TASP1: variants seen among roughly 807,000 people sequenced by gnomAD.
TASP1 encodes the protein taspase 1, also known as threonine aspartase 1.
TASP1 carries 16 observed loss-of-function variants against 56.6 expected under a neutral mutation model. That is an observed-to-expected ratio of 0.28 (90% CI 0.19 to 0.43). The LOEUF (loss-of-function observed/expected upper bound fraction) is 0.43. Ranked by LOEUF, TASP1 falls within the 20% of genes least tolerant of loss-of-function variation. The pLI is 1.00. For missense variants in TASP1, 393 were observed against 511.6 expected, an observed-to-expected ratio of 0.77 and a Z score of 2.24; for synonymous variants, 179 against 184.2, an observed-to-expected ratio of 0.97 and a Z score of 0.23.
chr20:13,287,332 G>A, the TASP1 span, among the ~76,000 whole-genome samples: 6 of 152,224 alleles, frequency 3.9e-5, no homozygotes, highest in East Asian at 5.8e-4. Context: ...ATCAGATCTC[G>A]TGAGACTTAT....
the TASP1 span, among the ~76,000 whole-genome samples, chr20:13,132,137 C>G: frequency 6.6e-6 from 1 of 151,740 alleles, no homozygotes; most frequent in Non-Finnish European, 1.5e-5. Flanking sequence ...ATAGCAAATC[C>G]TCCTGTCCCT....
intron 9 of TASP1, among the ~76,000 whole-genome samples, chr20:13,531,062 C>T (rs1391149401): frequency 6.6e-6 from 1 of 152,156 alleles, no homozygotes; most frequent in African/African-American, 2.4e-5. Context: ...GTCACAGGAT[C>T]ATGCGAATTA....
At position 13,530,667 on chromosome 20, in the gene TASP1, C is replaced by A. The variant is rs961480780; in HGVS notation, c.796-2156G>T. ...GGGAGGTCATCTTTCTAGAAAAGAA[C>A]ATTTACACTTACCCTTTGCTCCTTC... On this transcript the variant is annotated intron_variant, in intron 9 of 13. Coordinates refer to ENST00000337743, the MANE Select transcript of TASP1 (RefSeq NM_017714.3). Among the ~76,000 whole-genome samples the A allele has an allele frequency of 3.3e-5, 5 of 152,278 alleles. No individual in the cohort carries two copies. In the South Asian group the frequency reaches 6.2e-4, roughly 19 times the overall value.
chr20:13,363,463 G>A, the TASP1 span, among the ~76,000 whole-genome samples: 1 of 152,108 alleles, frequency 6.6e-6, no homozygotes, highest in African/African-American at 2.4e-5. Context: ...TGCAGTTTTT[G>A]TTATACCCTT....
Position 13,517,902 on chromosome 20 carries a change from C to T in TASP1, c.874+10531G>A, listed in dbSNP as rs992546196. Among the ~76,000 whole-genome samples the T allele has an allele frequency of 3.3e-5, 5 of 152,046 alleles. No individual in the cohort carries two copies. In the South Asian group the frequency reaches 8.3e-4, roughly 25 times the overall value. ...GAATTCCCATCCCAGATAATTACTT[C>T]AGTTCTTAGAAATGTGCTGGTAGTT... is the stretch of plus-strand genomic sequence containing the variant. On this transcript the variant is annotated intron_variant, in intron 10 of 13. Coordinates refer to ENST00000337743, the MANE Select transcript of TASP1 (RefSeq NM_017714.3).
rs534591505 is a variant in TASP1 at position 13,393,893 on chromosome 20, G to C, written c.1171-3441C>G. On this transcript the variant is annotated intron_variant, in intron 13 of 13. Transcript: ENST00000337743. Reference sequence around the variant, plus strand: ...CGCTCAGCCAAAAAAAAAAAGGTGTGGGGGGGAAAAGAATTTTAAGTGTTT... The same window carrying C: ...CGCTCAGCCAAAAAAAAAAAGGTGTCGGGGGGAAAAGAATTTTAAGTGTTT... Among the ~76,000 whole-genome samples the C allele has an allele frequency of 5.3e-5, 8 of 151,992 alleles. No homozygotes were observed. The South Asian group carries it at 1.7e-3, about 32-fold the overall frequency.
At chr20:13,308,172 C>T in the TASP1 span, among the ~76,000 whole-genome samples, 4 of 152,166 alleles carry the variant, frequency 2.6e-5, no homozygotes, top group Non-Finnish European at 4.4e-5. Flanking sequence ...CACTGTGCTG[C>T]GTGCTGGGGA....
chr20:13,502,300 T>C (rs1046044298), intron 10 of TASP1, among the ~76,000 whole-genome samples: 1 of 152,080 alleles, frequency 6.6e-6, no homozygotes, highest in Non-Finnish European at 1.5e-5. Context: ...GTCGTCTTTT[T>C]AGAAGAACTA....
At chr20:13,391,321 G>A (rs1220858953) in intron 13 of TASP1, among the ~76,000 whole-genome samples, 3 of 152,212 alleles carry the variant, frequency 2.0e-5, no homozygotes, top group African/African-American at 7.2e-5. Context: ...GTAGAAGACA[G>A]TAAGCACTTC....
chr20:13,132,682 A>G, the TASP1 span: 12 of 152,298 alleles, frequency 7.9e-5, 1 homozygote, highest in Admixed American at 5.9e-4. Context: ...TACCTCAGCA[A>G]ATAAACAGCT....
intron 13 of TASP1, among the ~76,000 whole-genome samples, chr20:13,415,079 A>T (rs998499100): frequency 6.6e-6 from 1 of 152,150 alleles, no homozygotes; most frequent in African/African-American, 2.4e-5. Flanking sequence ...TTTAACTTTT[A>T]AAAATAGTTT....
the TASP1 span, among the ~76,000 whole-genome samples, chr20:13,174,040 G>A: frequency 6.6e-6 from 1 of 152,106 alleles, no homozygotes; most frequent in African/African-American, 2.4e-5. Flanking sequence ...AAAAATAACA[G>A]TGTGCACAAC....
At chr20:13,334,356 T>C in the TASP1 span, among the ~76,000 whole-genome samples, 5 of 152,236 alleles carry the variant, frequency 3.3e-5, no homozygotes, top group Non-Finnish European at 7.3e-5. Context: ...CAATAATGCA[T>C]TTTGAAATGT....
At chr20:13,461,394 T>G (rs879578767) in intron 11 of TASP1, among the ~76,000 whole-genome samples, 14 of 152,198 alleles carry the variant, frequency 9.2e-5, no homozygotes, top group Non-Finnish European at 1.8e-4. Flanking sequence ...AGACTTTGTT[T>G]TATTATTCAC....
intron 8 of TASP1, among the ~76,000 whole-genome samples, chr20:13,539,590 T>G (rs1365770253): frequency 6.6e-6 from 1 of 152,296 alleles, no homozygotes; most frequent in South Asian, 2.1e-4. Context: ...TTTATACTAT[T>G]TATTTCCTAA....
intron 13 of TASP1, among the ~76,000 whole-genome samples, chr20:13,400,235 T>C (rs2041687862): frequency 6.6e-6 from 1 of 152,180 alleles, no homozygotes; most frequent in Non-Finnish European, 1.5e-5. Flanking sequence ...TGGTATTTAA[T>C]AAATAATTCA....
At chr20:13,587,657 T>G (rs1253250325) in intron 4 of TASP1, among the ~76,000 whole-genome samples, 1 of 151,870 alleles carries the variant, frequency 6.6e-6, no homozygotes, top group African/African-American at 2.4e-5. Flanking sequence ...AAAGTAAGAT[T>G]GGTTTAATAT....
chr20:13,234,463 T>C, the TASP1 span, among the ~76,000 whole-genome samples: 2 of 152,222 alleles, frequency 1.3e-5, no homozygotes. Flanking sequence ...CCTTTGGGTA[T>C]ATACTCAGGA....
chr20:13,235,765 C>T, the TASP1 span, among the ~76,000 whole-genome samples: 112 of 152,204 alleles, frequency 7.4e-4, no homozygotes, highest in African/African-American at 2.6e-3. Context: ...CCTGCAAATA[C>T]GTTATTCATC....
Sources: allele counts gnomAD v4.1 joint callset (sites outside exome capture counted in the v4.1 genomes callset), GRCh38; gene constraint gnomAD v4.1.1; transcripts MANE v1.5; gene names NCBI Gene and HGNC (gene_info 2026-07-23, HGNC 2026-07-21).